The following PCDH15 variants were observed in gnomAD, a reference collection of about 807,000 sequenced individuals.
PCDH15 encodes the protein protocadherin-15.
A neutral mutation model predicts 178.5 loss-of-function variants in PCDH15; 129 were observed. The ratio of observed to expected loss-of-function variants is 0.72; its 90% CI spans 0.63 to 0.84. The LOEUF (loss-of-function observed/expected upper bound fraction) is 0.84, where lower values mean the gene tolerates loss of function less well. Among genes scored for constraint, PCDH15 ranks in the 40% least tolerant of loss-of-function variants. The pLI is 0.00. For missense variants in PCDH15, 2,230 were observed against 2,099.9 expected (o/e 1.06, Z -1.21); for synonymous variants, 800 against 732.0 (o/e 1.09, Z -1.50).
intron 2 of PCDH15, among the ~76,000 whole-genome samples, chr10:55,444,505 T>C (rs537291251): frequency 6.6e-6 from 1 of 152,200 alleles, no homozygotes; most frequent in African/African-American, 2.4e-5. Flanking sequence ...ATTCCTGATA[T>C]GATACAAATA....
intron 2 of PCDH15, among the ~76,000 whole-genome samples, chr10:55,159,223 C>T (rs1838985447): frequency 6.6e-6 from 1 of 151,624 alleles, no homozygotes; most frequent in South Asian, 2.1e-4. Context: ...TAAAAAGCTG[C>T]TAATATGGTT....
rs12256682 is a variant in PCDH15, at chr10:54,603,447, G to A, written c.91+60725C>T. On this transcript the variant is annotated intron_variant, in intron 2 of 37. Transcript: ENST00000644397. ...TTTGGGTTAGTATGTATTTTTTTCT[G>A]TCTTTGGCTAGTTATTTTTTTAGGT... 9.8e-3 allele frequency among the ~76,000 whole-genome samples: 1,447 copies of A among 148,014 alleles called. 17 individuals carry two copies. Among genetic ancestry groups the A allele is most frequent in the African/African-American group, 0.033 (1,357 of 40,630 alleles).
intron 2 of PCDH15, among the ~76,000 whole-genome samples, chr10:55,582,266 T>C (rs928031450): frequency 3.9e-5 from 6 of 152,154 alleles, no homozygotes; most frequent in Non-Finnish European, 7.4e-5. Flanking sequence ...AGTTTCTAAA[T>C]AGTGGCCCTT....
In PCDH15 at chr10:54,066,896, A is replaced by C; in HGVS notation, c.2092-11T>G. The C allele has an allele frequency of 6.2e-7, 1 of 1,612,592 alleles. No homozygotes were observed. ...TGTGGCAGTTGAGGTCTTAAAGAAA[A>C]ACACAAGCATTAAATGTGAGAGGAG... On this transcript the variant is annotated splice_polypyrimidine_tract_variant and intron_variant, in intron 17 of 37. Transcript: ENST00000644397.
intron 8 of PCDH15, among the ~76,000 whole-genome samples, chr10:54,237,167 A>T (rs2054718364): frequency 6.6e-6 from 1 of 152,154 alleles, no homozygotes; most frequent in Non-Finnish European, 1.5e-5. Flanking sequence ...TTATATCAGT[A>T]ACTACTCCTA....
intron 2 of PCDH15, among the ~76,000 whole-genome samples, chr10:54,941,274 A>G (rs1838055371): frequency 6.6e-6 from 1 of 152,106 alleles, no homozygotes; most frequent in African/African-American, 2.4e-5. Context: ...GAAACATTAC[A>G]CTATATATCT....
At chr10:54,894,273 T>A (rs1384625813) in intron 3 of PCDH15, among the ~76,000 whole-genome samples, 1 of 152,148 alleles carries the variant, frequency 6.6e-6, no homozygotes, top group Non-Finnish European at 1.5e-5. Flanking sequence ...GGGTTTATAA[T>A]CTGTGGTTAC....
intron 2 of PCDH15, among the ~76,000 whole-genome samples, chr10:55,093,783 A>T (rs35641389): frequency 0.063 from 9,522 of 152,208 alleles, 352 homozygotes; most frequent in African/African-American, 0.088. Flanking sequence ...CAACAGACAC[A>T]TGAAAAAATG....
intron 6 of PCDH15, among the ~76,000 whole-genome samples, chr10:54,331,699 T>C (rs1398134127): frequency 6.6e-6 from 1 of 152,006 alleles, no homozygotes; most frequent in Non-Finnish European, 1.5e-5. Context: ...TAGAAATATA[T>C]ATTGGTTTCT....
intron 1 of PCDH15, among the ~76,000 whole-genome samples, chr10:54,797,306 G>T (rs1015381655): frequency 2.6e-5 from 4 of 151,990 alleles, no homozygotes; most frequent in Non-Finnish European, 5.9e-5. Context: ...TTGAAGGAAA[G>T]AAATGCTTCA....
At chr10:54,152,371 T>C (rs1257604296) in intron 14 of PCDH15, among the ~76,000 whole-genome samples, 1 of 152,094 alleles carries the variant, frequency 6.6e-6, no homozygotes, top group Non-Finnish European at 1.5e-5. Context: ...CTTCTACAGT[T>C]TTATACTTAT....
rs556703087 is a variant in PCDH15, at chr10:55,518,583, A to G, written c.-156+109042T>C. 7.8e-4 allele frequency among the ~76,000 whole-genome samples: 119 copies of G among 152,034 alleles called. 1 individual carries two copies. Among genetic ancestry groups the G allele is most frequent in the African/African-American group, 8.2e-4 (34 of 41,528 alleles). ...TAACTTCCAAACTTCACCCTCATAC[A>G]ATGGGCCCCAGTAAAACAGCGGGCC... On this transcript the variant is annotated intron_variant, in intron 2 of 5. Coordinates refer to the PCDH15 transcript ENST00000613346.
chr10:55,446,845 G>A (rs533752174), intron 2 of PCDH15, among the ~76,000 whole-genome samples: 1 of 152,194 alleles, frequency 6.6e-6, no homozygotes, highest in East Asian at 1.9e-4. Context: ...CCTGTAGTGT[G>A]AAGCAGCACC....
chr10:55,507,480 A>C (rs943234287), intron 2 of PCDH15, among the ~76,000 whole-genome samples: 3 of 151,656 alleles, frequency 2.0e-5, no homozygotes, highest in Non-Finnish European at 3.0e-5. Flanking sequence ...AATCTAAGCT[A>C]TAAAATCAAT....
intron 3 of PCDH15, among the ~76,000 whole-genome samples, chr10:54,859,269 C>G (rs1487404849): frequency 3.3e-5 from 5 of 152,054 alleles, no homozygotes; most frequent in South Asian, 4.1e-4. Context: ...AATCCCAAAT[C>G]TAACTAGTAA....
intron 2 of PCDH15, among the ~76,000 whole-genome samples, chr10:55,133,659 A>G (rs1164288660): frequency 2.0e-5 from 3 of 152,154 alleles, no homozygotes; most frequent in Non-Finnish European, 4.4e-5. Flanking sequence ...CAATATTGTC[A>G]AAATATAAAT....
intron 2 of PCDH15, among the ~76,000 whole-genome samples, chr10:55,060,393 T>TAGTG (rs772345831): frequency 1.3e-5 from 2 of 152,100 alleles, no homozygotes; most frequent in Non-Finnish European, 2.9e-5. Context: ...ATTGCTCACT[T>TAGTG]ACTATCTGCA....
At chr10:55,196,550 T>C (rs892762999) in intron 1 of PCDH15, among the ~76,000 whole-genome samples, 2 of 152,010 alleles carry the variant, frequency 1.3e-5, no homozygotes, top group African/African-American at 4.8e-5. Context: ...ACAGGTACAA[T>C]ATAAGGACAT....
chr10:54,858,680 A>C (rs1394465670), intron 3 of PCDH15, among the ~76,000 whole-genome samples: 1 of 152,052 alleles, frequency 6.6e-6, no homozygotes, highest in Non-Finnish European at 1.5e-5. Context: ...TAAACTATAT[A>C]GTTATCTATA....
Sources: gnomAD v4.1 joint callset for allele counts (sites outside exome capture counted in the v4.1 genomes callset) on GRCh38, gnomAD v4.1.1 for gene constraint, MANE v1.5 for transcripts, NCBI Gene and HGNC (gene_info 2026-07-23, HGNC 2026-07-21) for gene names.